Variants in ANKFN1 observed in about 807,000 individuals in gnomAD.
ANKFN1 encodes the protein ankyrin repeat and fibronectin type-III domain-containing protein 1.
Under a neutral mutation model 108.7 loss-of-function variants are expected in ANKFN1, and 74 were observed. The ratio of observed to expected loss-of-function variants is 0.68; its 90% CI spans 0.56 to 0.83. The LOEUF (loss-of-function observed/expected upper bound fraction) is 0.83, where lower values mean the gene tolerates loss of function less well. Ranked by LOEUF, ANKFN1 falls within the 40% of genes least tolerant of loss-of-function variation. ANKFN1 has a pLI of 0.00. For missense variants in ANKFN1, 1,505 were observed against 1,382.3 expected, an observed-to-expected ratio of 1.09 and a Z score of -1.41; for synonymous variants, 547 against 516.2, an observed-to-expected ratio of 1.06 and a Z score of -0.81.
chr17:56,344,755 T>C (rs1467962439), intron 4 of ANKFN1, among the ~76,000 whole-genome samples: 1 of 152,042 alleles, frequency 6.6e-6, no homozygotes, highest in East Asian at 1.9e-4. Flanking sequence ...TAGGATTTTC[T>C]AGAAAACCCC....
At position 56,199,267 on chromosome 17, in the gene ANKFN1, C is replaced by CA. The variant is rs35028021; in HGVS notation, c.-70-13314dup. ...GTTTTCTAGCTCGTTATTGCTGTTA[C>CA]AAAAAAAAAAAAAAAAAGACACAGA... On this transcript the variant is annotated intron_variant, in intron 1 of 20. Coordinates refer to ENST00000682825, the MANE Select transcript of ANKFN1 (RefSeq NM_001370326.1). Among the ~76,000 whole-genome samples the CA allele has an allele frequency of 7.8e-3, 1,010 of 128,784 alleles. 9 individuals carry two copies. Among genetic ancestry groups the CA allele is most frequent in the Admixed American group, 0.032 (411 of 12,688 alleles). 84.5% of individuals were successfully genotyped at this position (128,784 alleles called of 152,430 possible).
At chr17:56,296,972 A>G (rs1403692599) in intron 3 of ANKFN1, among the ~76,000 whole-genome samples, 1 of 152,260 alleles carries the variant, frequency 6.6e-6, no homozygotes. Flanking sequence ...GGGTTCACCC[A>G]TGGTGAATAG....
chr17:56,189,170 C>CATTTTTTTTTTTTTTTTTTTTT (rs1555607722), intron 1 of ANKFN1, among the ~76,000 whole-genome samples: 1 of 85,290 alleles, frequency 1.2e-5, no homozygotes, highest in African/African-American at 6.8e-5. Flanking sequence ...GTTGCCCTGA[C>CATTTTTTTTTTTTTTTTTTTTT]TTTTTTTTTT....
chr17:56,075,073 C>A (rs1276030679), intron 4 of ANKFN1, among the ~76,000 whole-genome samples: 1 of 152,186 alleles, frequency 6.6e-6, no homozygotes, highest in Non-Finnish European at 1.5e-5. Context: ...ATTAAGCTAG[C>A]AGGAAACAGA....
chr17:56,448,717 G>C (rs1405522865), intron 10 of ANKFN1, among the ~76,000 whole-genome samples: 1 of 152,152 alleles, frequency 6.6e-6, no homozygotes, highest in Non-Finnish European at 1.5e-5. Context: ...TGAGACTCGG[G>C]GTGCTCAGTG....
At position 56,458,734 on chromosome 17, in the gene ANKFN1, C is replaced by T. The variant is rs114643192; in HGVS notation, c.1557+755C>T. Among the ~76,000 whole-genome samples, 1,486 of 152,182 alleles carry T rather than the reference C, an allele frequency of 9.8e-3. 21 individuals carry two copies. Among genetic ancestry groups the T allele is most frequent in the African/African-American group, 0.033 (1,380 of 41,534 alleles). ...CATGGGATTGGAGCCATTAAGAGAT[C>T]GCTGAGCCTTTATCAGTAACGGGTA... On this transcript the variant is annotated intron_variant, in intron 14 of 20. Coordinates refer to ENST00000682825, the MANE Select transcript of ANKFN1 (RefSeq NM_001370326.1).
chr17:56,272,550 A>G lies in ANKFN1; in HGVS notation c.53+44593A>G, dbSNP rs111957106. On this transcript the variant is annotated intron_variant, in intron 3 of 20. Transcript: ENST00000682825. ...GAATAATATTCCAGTGTATGTATAT[A>G]CCATATTTTGTTAATCCATTAATCC... Among the ~76,000 whole-genome samples the G allele has an allele frequency of 3.5e-3, 537 of 152,234 alleles. 2 individuals are homozygous for G. Among genetic ancestry groups the G allele is most frequent in the Non-Finnish European group, 5.2e-3 (356 of 68,008 alleles).
chr17:56,339,414 A>G (rs1411908919), intron 4 of ANKFN1, among the ~76,000 whole-genome samples: 1 of 152,006 alleles, frequency 6.6e-6, no homozygotes, highest in African/African-American at 2.4e-5. Flanking sequence ...CCCAGGTGTT[A>G]AGCCTAGTAC....
chr17:56,344,106 C>T (rs1454772321), intron 4 of ANKFN1, among the ~76,000 whole-genome samples: 3 of 151,916 alleles, frequency 2.0e-5, no homozygotes, highest in Non-Finnish European at 4.4e-5. Context: ...TTTATTTCCT[C>T]GTATGGGACA....
At chr17:56,467,791 GAAGAAAGA>G (rs1555660585) in intron 15 of ANKFN1, among the ~76,000 whole-genome samples, 1,061 of 54,836 alleles carry the variant, frequency 0.019, 17 homozygotes, top group Admixed American at 0.042. Flanking sequence ...AAGAAAGAAA[GAAGAAAGA>G]AAGAAAGAAA....
At chr17:56,450,596 A>G (rs544018985) in intron 11 of ANKFN1, among the ~76,000 whole-genome samples, 1 of 152,336 alleles carries the variant, frequency 6.6e-6, no homozygotes, top group African/African-American at 2.4e-5. Flanking sequence ...AAGTCTAGTC[A>G]GTTCTCGGTT....
chr17:56,152,031 T>C (rs1273081882), upstream of ANKFN1, among the ~76,000 whole-genome samples: 1 of 152,126 alleles, frequency 6.6e-6, no homozygotes, highest in Non-Finnish European at 1.5e-5. Flanking sequence ...GTGCCTTCCA[T>C]CAAGGAGATT....
chr17:56,467,791 GAAGA>G (rs1555660585), intron 15 of ANKFN1, among the ~76,000 whole-genome samples: 1,246 of 54,766 alleles, frequency 0.023, 18 homozygotes, highest in South Asian at 0.037. Context: ...AAGAAAGAAA[GAAGA>G]AAGAAAGAAA....
At chr17:56,414,843 A>G (rs1293252752) in intron 8 of ANKFN1, among the ~76,000 whole-genome samples, 1 of 152,116 alleles carries the variant, frequency 6.6e-6, no homozygotes, top group East Asian at 1.9e-4. Context: ...ACATGGTGAT[A>G]CACCATCTTT....
rs2051891670 is a variant in ANKFN1, at chr17:56,515,460, A to G, written c.*4191A>G. Among the ~76,000 whole-genome samples, 1 of 152,212 alleles carries G rather than the reference A, an allele frequency of 6.6e-6. No individual in the cohort carries two copies. ...TTTTTAAAATAGCTATTTGGAAAGC[A>G]ATGGTATCTCTTCATAGGTAATAGG... On this transcript the variant is annotated 3_prime_UTR_variant, in exon 21 of 21. Transcript: ENST00000682825.
intron 20 of ANKFN1, among the ~76,000 whole-genome samples, chr17:56,502,117 C>T (rs1254978311): frequency 3.9e-5 from 6 of 152,264 alleles, no homozygotes; most frequent in South Asian, 4.1e-4. Context: ...ATGTATGCTA[C>T]GATGTCCCAC....
At chr17:56,109,018 G>A (rs1054951776) in intron 4 of ANKFN1, among the ~76,000 whole-genome samples, 2 of 152,298 alleles carry the variant, frequency 1.3e-5, no homozygotes, top group Non-Finnish European at 1.5e-5. Context: ...TTAACACATA[G>A]GCTTTAAAGT....
At chr17:56,079,257 C>A (rs755421134) in intron 4 of ANKFN1, among the ~76,000 whole-genome samples, 1 of 152,180 alleles carries the variant, frequency 6.6e-6, no homozygotes, top group Non-Finnish European at 1.5e-5. Flanking sequence ...TTAGATGCCT[C>A]CATAGCATCA....
intron 1 of ANKFN1, among the ~76,000 whole-genome samples, chr17:56,188,337 G>A (rs914472260): frequency 6.6e-6 from 1 of 151,302 alleles, no homozygotes; most frequent in Non-Finnish European, 1.5e-5. Context: ...TTTTGAAAAA[G>A]GCAAGGAAGA....
Sources: allele counts gnomAD v4.1 joint callset (sites outside exome capture counted in the v4.1 genomes callset), GRCh38; gene constraint gnomAD v4.1.1; transcripts MANE v1.5; gene names NCBI Gene and HGNC (gene_info 2026-07-23, HGNC 2026-07-21).